CFAP65: variants seen among roughly 807,000 people sequenced by gnomAD.
CFAP65 encodes the protein cilia- and flagella-associated protein 65.
In CFAP65, 155 loss-of-function variants were observed where a neutral mutation model predicts 208.0. That is an observed-to-expected ratio of 0.75 (90% CI 0.65 to 0.85). CFAP65 has a LOEUF of 0.85. Among genes scored for constraint, CFAP65 ranks in the 40% least tolerant of loss-of-function variants. The probability of loss-of-function intolerance (pLI) is 0.00; values close to 1 mark genes in which losing one functional copy is unlikely to be tolerated. For missense variants in CFAP65, 2,294 were observed against 2,451.3 expected, an observed-to-expected ratio of 0.94 and a Z score of 1.36; for synonymous variants, 970 against 986.3, an observed-to-expected ratio of 0.98 and a Z score of 0.31.
At chr2:219,011,038 CA>C (rs1946440290) in intron 24 of CFAP65, 42 bp from the exon 25 acceptor site, 2 of 1,543,364 alleles carry the variant, frequency 1.3e-6, no homozygotes, top group Non-Finnish European at 8.8e-7. Context: ...ATCAGCTCAG[CA>C]CTGCAAATCA....
intron 2 of CFAP65, among the ~76,000 whole-genome samples, chr2:219,040,012 TTTTATTTATTTA>T (rs3082570): frequency 0.046 from 6,845 of 149,038 alleles, 527 homozygotes; most frequent in African/African-American, 0.16. Flanking sequence ...CTTAGAGGGA[TTTTATTTATTTA>T]TTTATTTATT....
In CFAP65 at chr2:219,019,794, T is replaced by C. The variant is rs878995144; in HGVS notation, c.3260-75A>G. On this transcript the variant is annotated intron_variant, in intron 19 of 34. Transcript: ENST00000341552. Reference sequence around the variant, plus strand: ...CTGGAGGGGGCATGCAGGCCAAAGGTGCAGGAGTCCTGGGCAGTTGGCCCC... The same window carrying C: ...CTGGAGGGGGCATGCAGGCCAAAGGCGCAGGAGTCCTGGGCAGTTGGCCCC... The C allele has an allele frequency of 3.2e-5, 41 of 1,290,652 alleles. No individual in the cohort carries two copies. The South Asian group carries it at 4.9e-4, about 16-fold the overall frequency. 79.9% of individuals were successfully genotyped at this position (1,290,652 alleles called of 1,614,324 possible).
At chr2:219,036,009 G>A (rs1948334976) in intron 4 of CFAP65, among the ~76,000 whole-genome samples, 1 of 152,132 alleles carries the variant, frequency 6.6e-6, no homozygotes, top group African/African-American at 2.4e-5. Flanking sequence ...CCCTCAGATA[G>A]CACCCCATCA....
chr2:219,027,925 T>C lies in CFAP65; in HGVS notation c.1936A>G (p.Ile646Val). 6.6e-7 allele frequency: 1 copy of C among 1,521,206 alleles called. No individual in the cohort carries two copies. The highest frequency in any genetic ancestry group is 1.4e-5 in the African/African-American group (1 of 71,696). 94.2% of individuals were successfully genotyped at this position (1,521,206 alleles called of 1,614,324 possible). Reference protein sequence around the residue: ...FFFDGTSDITIFPPPISVEPV... With the variant: ...FFFDGTSDITVFPPPISVEPV... ...TCTACACTGATGGGCGGGGGGAAGATGGTTATGTCGCTGGTGCCGTCGAAG... is the reference window on the plus strand; with the variant it reads ...TCTACACTGATGGGCGGGGGGAAGACGGTTATGTCGCTGGTGCCGTCGAAG... Residue 646 changes from isoleucine (I) to valine (V), a missense_variant, in exon 13 of 35, where the codon ATC becomes GTC. Ile to Val is a conservative substitution (Grantham distance 29). Around this residue, in one of 2 missense-constraint regions of CFAP65, gnomAD observed 867 missense variants for 1,012.6 expected, o/e 0.86. Transcript: ENST00000341552.
rs1559138660 is a variant in CFAP65 at position 219,021,840 on chromosome 2, G to C, written c.3070C>G (p.Leu1024Val). The C allele has an allele frequency of 6.2e-7, 1 of 1,613,836 alleles. No individual in the cohort carries two copies. The highest frequency in any genetic ancestry group is 1.7e-5 in the Admixed American group (1 of 60,024). The change falls in exon 18 of 35, where the codon CTC (leucine) becomes GTC (valine). Residue 1024 changes from leucine to valine, a missense_variant. Around this residue, in one of 2 missense-constraint regions of CFAP65, gnomAD observed 1,427 missense variants for 1,438.7 expected, o/e 0.99. Transcript: ENST00000341552. ...TGCTCCAGGTAGAGGCGGTAATAGA[G>C]GGTGCAGTTGCCGTCATTCAGGAGG... is the stretch of plus-strand genomic sequence containing the variant. ...LVLLNDGNCT[L>V]YYRLYLEQGS...
chr2:219,034,806 T>C (rs1479759780), intron 5 of CFAP65: 1 of 152,320 alleles, frequency 6.6e-6, no homozygotes, highest in Non-Finnish European at 1.5e-5. Context: ...ATCAGGGAAA[T>C]GCAAATTAAA....
rs1947857840 is a variant in CFAP65, at chr2:219,029,297, C to G, written c.1650+106G>C. The stretch of plus-strand genomic sequence containing the variant: ...AGTGGGAGACCACCAGGCAGACAGC[C>G]CTAGAAGTTCCAGAATACAGGGAAG... On this transcript the variant is annotated intron_variant, in intron 11 of 34. Coordinates refer to ENST00000341552, the MANE Select transcript of CFAP65 (RefSeq NM_194302.4). 8 of 1,420,870 alleles carry G rather than the reference C, an allele frequency of 5.6e-6. No individual in the cohort carries two copies. The East Asian group carries it at 1.9e-4, about 33-fold the overall frequency. 88.0% of individuals were successfully genotyped at this position (1,420,870 alleles called of 1,614,324 possible).
chr2:219,014,273 A>G (rs1348793900), intron 21 of CFAP65: 5 of 398,588 alleles, frequency 1.3e-5, no homozygotes, highest in African/African-American at 1.0e-4. Flanking sequence ...GCGACTCAAG[A>G]AGTGAAGAGT....
At position 219,011,713 on chromosome 2, in the gene CFAP65, A is replaced by C. The variant is rs985444022; in HGVS notation, c.3958-717T>G. ...CTTCTGATCCAATCCTTCCTTTTAGAGATGAGAAAATTGAAGCCAGAGAGA... is the reference window on the plus strand; with the variant it reads ...CTTCTGATCCAATCCTTCCTTTTAGCGATGAGAAAATTGAAGCCAGAGAGA... On this transcript the variant is annotated intron_variant, in intron 24 of 34. Coordinates refer to ENST00000341552, the MANE Select transcript of CFAP65 (RefSeq NM_194302.4). Among the ~76,000 whole-genome samples, 8 of 152,332 alleles carry C rather than the reference A, an allele frequency of 5.3e-5. No homozygotes were observed. In the South Asian group the frequency reaches 8.3e-4, roughly 16 times the overall value.
chr2:219,017,395 G>C (rs1319216865), intron 21 of CFAP65, among the ~76,000 whole-genome samples: 1 of 152,200 alleles, frequency 6.6e-6, no homozygotes, highest in Non-Finnish European at 1.5e-5. Flanking sequence ...TGGGGTTCCT[G>C]CCTGCTGCTG....
In CFAP65 at chr2:219,010,792, G is replaced by C. The variant is rs1474237744; in HGVS notation, c.4149+13C>G. ...ACCACCCCACCTCCCACGTCATCCA[G>C]GTTGCTGCTCACCGTGTAGGTCTTG... is the stretch of plus-strand genomic sequence containing the variant. On this transcript the variant is annotated intron_variant, in intron 25 of 34. Transcript: ENST00000341552. 3 of 1,597,108 alleles carry C rather than the reference G, an allele frequency of 1.9e-6. No individual in the cohort carries two copies. The highest frequency in any genetic ancestry group is 2.6e-6 in the Non-Finnish European group (3 of 1,167,934).
chr2:219,024,332 T>TATA, intron 14 of CFAP65, 72 bp from the exon 15 acceptor site: 1 of 1,528,966 alleles, frequency 6.5e-7, no homozygotes, highest in Non-Finnish European at 8.8e-7. Context: ...CAGGGCCCTA[T>TATA]GGGGGCTTGG....
intron 27 of CFAP65, 66 bp downstream of exon 27, chr2:219,009,876 G>T: frequency 1.4e-6 from 2 of 1,459,794 alleles, no homozygotes; most frequent in East Asian, 2.4e-5. Context: ...GGTATGGGAT[G>T]GGGTCAGGTG....
intron 1 of CFAP65, 123 bp from the exon 2 acceptor site, chr2:219,040,687 G>A: frequency 1.4e-6 from 2 of 1,431,646 alleles, no homozygotes; most frequent in South Asian, 2.6e-5. Context: ...TCAGAGCTCT[G>A]AAAAAGTCTC....
chr2:219,026,929 G>C (rs896267442), intron 13 of CFAP65: 1 of 986,064 alleles, frequency 1.0e-6, no homozygotes, highest in African/African-American at 1.7e-5. Context: ...TCAAAAGATC[G>C]GACGTGGTCC....
intron 20 of CFAP65, 71 bp downstream of exon 20, chr2:219,019,435 C>A: frequency 3.0e-6 from 4 of 1,329,976 alleles, no homozygotes; most frequent in East Asian, 2.5e-5. Flanking sequence ...GGAGTCTGGG[C>A]AGAAAGCTCC....
intron 21 of CFAP65, 60 bp from the exon 22 acceptor site, chr2:219,014,104 G>C: frequency 1.4e-6 from 2 of 1,435,380 alleles, no homozygotes; most frequent in Non-Finnish European, 1.9e-6. Context: ...AGAGGCAGGG[G>C]CTCTGAGACC....
In CFAP65 at chr2:219,003,368, G is replaced by A. The variant is rs1945716637; in HGVS notation, c.5556-96C>T. On this transcript the variant is annotated intron_variant, in intron 33 of 34. Coordinates refer to ENST00000341552, the MANE Select transcript of CFAP65 (RefSeq NM_194302.4). The surrounding 1 kb of genome is among the most constrained non-coding windows in gnomAD (Gnocchi z 4.4). The stretch of plus-strand genomic sequence containing the variant: ...CGGTACATTGTGCCGCGAGCTCTAC[G>A]GAGATTCCCATTCGACTCCCCTCAT... 7.1e-7 allele frequency: 1 copy of A among 1,402,198 alleles called. No homozygotes were observed. The highest frequency in any genetic ancestry group is 1.5e-5 in the South Asian group (1 of 66,824). 86.9% of individuals were successfully genotyped at this position (1,402,198 alleles called of 1,614,324 possible).
intron 13 of CFAP65, chr2:219,027,211 GAGTC>G (rs1947689436): frequency 9.3e-6 from 12 of 1,287,936 alleles, no homozygotes; most frequent in Non-Finnish European, 1.2e-5. Context: ...CAGGGAAGCT[GAGTC>G]AGAAGCCCTT....
Sources: gnomAD v4.1 joint callset for allele counts (sites outside exome capture counted in the v4.1 genomes callset) on GRCh38, gnomAD v4.1.1 for gene constraint, gnomAD v4.1.1 regional missense constraint, Gnocchi (gnomAD v3.1) non-coding constraint, MANE v1.5 for transcripts, NCBI Gene and HGNC (gene_info 2026-07-23, HGNC 2026-07-21) for gene names.